The following SP110 variants were observed in gnomAD, a reference collection of about 807,000 sequenced individuals.
SP110 encodes the protein SP110 nuclear body protein.
In SP110, 62 loss-of-function variants were observed where a neutral mutation model predicts 92.7. The ratio of observed to expected loss-of-function variants is 0.67; its 90% confidence interval spans 0.55 to 0.83. The LOEUF (loss-of-function observed/expected upper bound fraction) is 0.83. Ranked by LOEUF, SP110 falls within the 40% of genes least tolerant of loss-of-function variation. SP110 has a pLI of 0.00. For synonymous variants in SP110, 273 were observed against 305.3 expected (o/e 0.89, Z 1.10); for missense variants, 793 against 863.9 (o/e 0.92, Z 1.03).
Position 230,178,231 on chromosome 2 carries a change from T to A in SP110, c.1373A>T (p.Asp458Val), listed in dbSNP as rs754679838. 5 of 1,612,362 alleles carry A rather than the reference T, an allele frequency of 3.1e-6. No individual in the cohort carries two copies. The highest frequency in any genetic ancestry group is 4.2e-6 in the Non-Finnish European group (5 of 1,178,626). ...RRGKPKSDTV[D>V]FHCSKLPVTC... is the part of the protein sequence containing the mutation. Reference sequence around the variant, plus strand: ...CACGGGGAGCTTAGAACAGTGAAAATCCACAGTGTCACTTTTGGGTTTTCC... The same window carrying A: ...CACGGGGAGCTTAGAACAGTGAAAAACCACAGTGTCACTTTTGGGTTTTCC... The change falls in exon 13 of 19, where the codon GAT (aspartate) becomes GTT (valine). Residue 458 changes from aspartate (D) to valine (V), a missense_variant. Asp to Val is a radical substitution (Grantham distance 152). Transcript: ENST00000258381.
chr2:230,217,438 G>C (rs920278122), intron 1 of SP110, among the ~76,000 whole-genome samples: 73 of 152,250 alleles, frequency 4.8e-4, no homozygotes, highest in African/African-American at 1.5e-3. Flanking sequence ...TGGAGGCTGA[G>C]AGTGACTGAA....
At chr2:230,208,184 G>A (rs1244102996) in intron 7 of SP110, 125 bp from the exon 8 acceptor site, 1 of 657,496 alleles carries the variant, frequency 1.5e-6, no homozygotes, top group East Asian at 2.7e-5. Context: ...GTGACCTTAG[G>A]TGATGGTACT....
intron 10 of SP110, among the ~76,000 whole-genome samples, chr2:230,194,360 G>A (rs1013541879): frequency 1.3e-5 from 2 of 152,088 alleles, no homozygotes; most frequent in Non-Finnish European, 2.9e-5. Context: ...AGAACTTTGG[G>A]AGGCTAGGGC....
At chr2:230,196,667 T>A (rs1191109772) in intron 10 of SP110, among the ~76,000 whole-genome samples, 1 of 152,060 alleles carries the variant, frequency 6.6e-6, no homozygotes, top group African/African-American at 2.4e-5. Context: ...GCATTAGGTA[T>A]ATCTCCTAAT....
chr2:230,178,763 C>G (rs35574529), intron 12 of SP110, among the ~76,000 whole-genome samples: 15,263 of 152,222 alleles, frequency 0.1, 882 homozygotes, highest in Middle Eastern at 0.16. Flanking sequence ...GCTTCTTCCT[C>G]GATGAATAAA....
At chr2:230,187,052 CT>C (rs2042393840) in intron 10 of SP110, among the ~76,000 whole-genome samples, 1 of 152,060 alleles carries the variant, frequency 6.6e-6, no homozygotes, top group African/African-American at 2.4e-5. Context: ...GGTAGATCTA[CT>C]TTTAGTTATT....
upstream of SP110, among the ~76,000 whole-genome samples, chr2:230,222,840 GT>G (rs35018428): frequency 0.33 from 41,962 of 128,880 alleles, 5,799 homozygotes; most frequent in South Asian, 0.38. Flanking sequence ...GTGTATTAAA[GT>G]TTTTTTTTTT....
At chr2:230,206,971 AGG>A (rs2043933503) in intron 8 of SP110, among the ~76,000 whole-genome samples, 1 of 152,074 alleles carries the variant, frequency 6.6e-6, no homozygotes, top group African/African-American at 2.4e-5. Context: ...GTCTTTCCCT[AGG>A]TATTTATATA....
In SP110 at chr2:230,166,448, G is replaced by A. The variant is rs559348739; in HGVS notation, c.*2676C>T. On this transcript the variant is annotated 3_prime_UTR_variant, in exon 19 of 19. Transcript: ENST00000258381. The stretch of plus-strand genomic sequence containing the variant: ...GTTATTTTACCGAGGTAGGATAACC[G>A]TAAATCTGACTATGACAGTGTGTAA... Among the ~76,000 whole-genome samples the A allele has an allele frequency of 7.9e-5, 12 of 152,262 alleles. 1 individual carries two copies. The highest frequency in any genetic ancestry group is 6.5e-5 in the Admixed American group (1 of 15,302).
At chr2:230,198,401 C>A (rs1405771669) in intron 10 of SP110, among the ~76,000 whole-genome samples, 1 of 152,184 alleles carries the variant, frequency 6.6e-6, no homozygotes, top group Non-Finnish European at 1.5e-5. Flanking sequence ...TAGAGGAGGG[C>A]AGTCATAATG....
upstream of SP110, among the ~76,000 whole-genome samples, chr2:230,221,018 C>CA (rs2045770466): frequency 6.6e-6 from 1 of 151,856 alleles, no homozygotes; most frequent in Non-Finnish European, 1.5e-5. Flanking sequence ...CTCGGTGGCT[C>CA]ACGCCTGTAA....
At chr2:230,220,091 C>A, upstream of SP110, 1 of 985,524 alleles carries the variant, frequency 1.0e-6, no homozygotes, top group Non-Finnish European at 1.2e-6. Flanking sequence ...TGCAGCCTCT[C>A]TCCACCTCCT....
rs1362036287 is a variant in SP110, at chr2:230,166,434, G to A, written c.*2690C>T. ...AGAAAATTTTACAAGTTATTTTACC[G>A]AGGTAGGATAACCGTAAATCTGACT... On this transcript the variant is annotated 3_prime_UTR_variant, in exon 19 of 19. Transcript: ENST00000258381. Among the ~76,000 whole-genome samples, 1 of 152,100 alleles carries A rather than the reference G, an allele frequency of 6.6e-6. No homozygotes were observed. The highest frequency in any genetic ancestry group is 1.5e-5 in the Non-Finnish European group (1 of 68,040).
At chr2:230,176,469 A>T (rs1018777062) in intron 14 of SP110, 1 of 1,456,146 alleles carries the variant, frequency 6.9e-7, no homozygotes, top group African/African-American at 1.4e-5. Context: ...ACACATGGAC[A>T]TGATGAGCTT....
At chr2:230,212,278 G>C in intron 5 of SP110, 69 bp downstream of exon 5, 1 of 1,169,250 alleles carries the variant, frequency 8.6e-7, no homozygotes, top group East Asian at 2.3e-5. Flanking sequence ...TAGCCTCTTG[G>C]TTGGCAGACG....
rs932787783 is a variant in SP110, at chr2:230,167,029, G to A, written c.*2095C>T. The A allele has an allele frequency of 6.6e-6, 1 of 151,626 alleles. No homozygotes were observed. Among genetic ancestry groups the A allele is most frequent in the Non-Finnish European group, 1.5e-5 (1 of 68,002 alleles). 9.4% of individuals were successfully genotyped at this position (151,626 alleles called of 1,614,324 possible). On this transcript the variant is annotated 3_prime_UTR_variant, in exon 19 of 19. Transcript: ENST00000258381. ...CAATTTTTCAGCTCACAGGCCTCTA[G>A]TTCAAGAGGAGGTGCACCCAAGGAG...
At position 230,165,570 on chromosome 2, in the gene SP110, A is replaced by G. The variant is rs1168448051; in HGVS notation, c.*3554T>C. Among the ~76,000 whole-genome samples, 1 of 152,230 alleles carries G rather than the reference A, an allele frequency of 6.6e-6. No individual in the cohort carries two copies. Among genetic ancestry groups the G allele is most frequent in the Non-Finnish European group, 1.5e-5 (1 of 68,044 alleles). On this transcript the variant is annotated 3_prime_UTR_variant, in exon 19 of 19. Coordinates refer to ENST00000258381, the MANE Select transcript of SP110 (RefSeq NM_080424.4). ...AATATAATTGAATAGAATAAACATT[A>G]TAGAGTAAAAGCAAAAAAATTAATA...
At chr2:230,222,722 T>C (rs181870628), upstream of SP110, among the ~76,000 whole-genome samples, 71 of 151,718 alleles carry the variant, frequency 4.7e-4, no homozygotes, top group African/African-American at 1.7e-3. Context: ...ATACAGACCA[T>C]TTCTGTTACC....
At chr2:230,174,759 G>A (rs530946297) in intron 14 of SP110, among the ~76,000 whole-genome samples, 167 of 152,314 alleles carry the variant, frequency 1.1e-3, no homozygotes, top group Non-Finnish European at 1.8e-3. Context: ...TACCAGCATC[G>A]GTCTCTTTGT....
Sources: gnomAD v4.1 joint callset for allele counts (sites outside exome capture counted in the v4.1 genomes callset) on GRCh38, gnomAD v4.1.1 for gene constraint, MANE v1.5 for transcripts, NCBI Gene and HGNC (gene_info 2026-07-23, HGNC 2026-07-21) for gene names.